KRT80: variants seen among roughly 807,000 people sequenced by gnomAD.
The protein encoded by KRT80 is keratin 80, also known as keratin, type II cytoskeletal 80.
KRT80 carries 36 observed loss-of-function variants against 51.5 expected under a neutral mutation model. That is an observed-to-expected ratio of 0.70 (90% confidence interval 0.54 to 0.92). The LOEUF (loss-of-function observed/expected upper bound fraction) is 0.92. Among genes scored for constraint, KRT80 ranks in the 40% least tolerant of loss-of-function variants. KRT80 has a pLI of 0.00. For synonymous variants in KRT80, 235 were observed against 248.3 expected (o/e 0.95, Z 0.50); for missense variants, 566 against 591.7 (o/e 0.96, Z 0.45).
At chr12:52,177,165 A>G (rs907947681) in intron 4 of KRT80, among the ~76,000 whole-genome samples, 4 of 152,226 alleles carry the variant, frequency 2.6e-5, no homozygotes, top group African/African-American at 9.6e-5. Flanking sequence ...TAAGTCCGGA[A>G]AACACTTAGC....
At chr12:52,179,057 T>G (rs559573532) in intron 4 of KRT80, among the ~76,000 whole-genome samples, 2 of 152,310 alleles carry the variant, frequency 1.3e-5, no homozygotes, top group East Asian at 3.9e-4. Flanking sequence ...CATCATGGCT[T>G]AGAGCTTGAG....
At chr12:52,179,392 G>C (rs1941285893) in intron 4 of KRT80, among the ~76,000 whole-genome samples, 1 of 152,236 alleles carries the variant, frequency 6.6e-6, no homozygotes, top group Non-Finnish European at 1.5e-5. Context: ...GGATTTGTTA[G>C]GGCCAGGAAG....
intron 1 of KRT80, among the ~76,000 whole-genome samples, chr12:52,186,506 T>G (rs1478203505): frequency 1.3e-5 from 2 of 152,186 alleles, no homozygotes; most frequent in Admixed American, 6.5e-5. Context: ...GGGTGGGTAC[T>G]ATTATAAGCT....
rs1029558037 is a variant in KRT80, at chr12:52,170,622, C to G, written c.*776G>C. The G allele has an allele frequency of 3.3e-5, 5 of 152,310 alleles. No homozygotes were observed. The highest frequency in any genetic ancestry group is 5.9e-5 in the Non-Finnish European group (4 of 68,070). 9.4% of individuals were successfully genotyped at this position (152,310 alleles called of 1,614,324 possible). On this transcript the variant is annotated 3_prime_UTR_variant, in exon 9 of 9. Transcript: ENST00000394815. The stretch of plus-strand genomic sequence containing the variant: ...CTCCTGCCCAATCTCAAGCTGCCAT[C>G]TGGCTTCCACTCCCAGGGAGTTGAT...
At position 52,171,324 on chromosome 12, in the gene KRT80, G is replaced by T; in HGVS notation, c.*74C>A. ...TCTCTTCTCAACCTAGAGGCTCCAA[G>T]CTGCTTTCTTGAGTCTAGCTTAAGT... On this transcript the variant is annotated 3_prime_UTR_variant, in exon 9 of 9. Coordinates refer to ENST00000394815, the MANE Select transcript of KRT80 (RefSeq NM_182507.3). The T allele has an allele frequency of 6.9e-7, 1 of 1,439,404 alleles. No homozygotes were observed. The highest frequency in any genetic ancestry group is 9.4e-7 in the Non-Finnish European group (1 of 1,064,796). 89.2% of individuals were successfully genotyped at this position (1,439,404 alleles called of 1,614,324 possible). A position where few individuals can be genotyped will look rare whatever the true frequency, so the allele number is the denominator to read the frequency against.
At chr12:52,177,947 T>G (rs1941259439) in intron 4 of KRT80, among the ~76,000 whole-genome samples, 1 of 152,174 alleles carries the variant, frequency 6.6e-6, no homozygotes, top group South Asian at 2.1e-4. Context: ...ATTAAAATTA[T>G]TTTTTCTGTT....
At chr12:52,178,956 G>T (rs1261819245) in intron 4 of KRT80, among the ~76,000 whole-genome samples, 1 of 152,204 alleles carries the variant, frequency 6.6e-6, no homozygotes, top group Non-Finnish European at 1.5e-5. Flanking sequence ...GGCTACTGGG[G>T]CAGGGGCCAA....
rs955824426 is a variant in KRT80 at position 52,175,584 on chromosome 12, A to G, written c.667-1820T>C. The stretch of plus-strand genomic sequence containing the variant: ...GGCCCTGTGGGCAGCCTGTCCGGGA[A>G]CTGACTCTGCCCACCAGCACCTCCT... On this transcript the variant is annotated intron_variant, in intron 4 of 8. Coordinates refer to ENST00000394815, the MANE Select transcript of KRT80 (RefSeq NM_182507.3). 5.3e-5 allele frequency among the ~76,000 whole-genome samples: 8 copies of G among 152,002 alleles called. No homozygotes were observed. The East Asian group carries it at 1.5e-3, about 29-fold the overall frequency.
At position 52,173,748 on chromosome 12, in the gene KRT80, G is replaced by C; in HGVS notation, c.683C>G (p.Ala228Gly). The C allele has an allele frequency of 6.2e-7, 1 of 1,611,218 alleles. No homozygotes were observed. The stretch of plus-strand genomic sequence containing the variant: ...CACCGACACATCCTTCACCTGTGCT[G>C]CCAGGTCCTTCAGCTCCTGACCGGG... ...TIYEQELKDL[A>G]AQVKDVSVTV... The change falls in exon 5 of 9, where the codon GCA becomes GGA. Residue 228 changes from alanine (A) to glycine (G), a missense_variant. Coordinates refer to ENST00000394815, the MANE Select transcript of KRT80 (RefSeq NM_182507.3).
intron 2 of KRT80, among the ~76,000 whole-genome samples, chr12:52,184,513 C>T (rs551117036): frequency 1.3e-5 from 2 of 152,190 alleles, no homozygotes; most frequent in African/African-American, 4.8e-5. Context: ...AGAAAAGCTG[C>T]CATTTATAAC....
chr12:52,191,744 G>A lies in KRT80; in HGVS notation c.159C>T (p.Gly53=). 1 of 1,613,528 alleles carries A rather than the reference G, an allele frequency of 6.2e-7. No homozygotes were observed. Among genetic ancestry groups the A allele is most frequent in the Non-Finnish European group, 8.5e-7 (1 of 1,179,890 alleles). Residue 53 remains glycine (G), a synonymous_variant, in exon 1 of 9, where the codon GGC becomes GGT. Coordinates refer to ENST00000394815, the MANE Select transcript of KRT80 (RefSeq NM_182507.3). ...GGTTCACAGTCACCTTGGAGATAGT[G>A]CCAGCCGACCAGCAGCCTGTGAGGC... ...SRSLTGCWSA[G]TISKVTVNPG...
chr12:52,175,793 C>T (rs1257239044), intron 4 of KRT80, among the ~76,000 whole-genome samples: 1 of 152,102 alleles, frequency 6.6e-6, no homozygotes, highest in Non-Finnish European at 1.5e-5. Context: ...GGCTGATGGC[C>T]CAACCCGTGT....
At chr12:52,171,609 A>ACACCCT in intron 8 of KRT80, 49 bp downstream of exon 8, 2 of 1,605,022 alleles carry the variant, frequency 1.2e-6, no homozygotes, top group African/African-American at 1.3e-5. Context: ...ATGATCCCCT[A>ACACCCT]CACCCTCACC....
At position 52,172,395 on chromosome 12, in the gene KRT80, G is replaced by C; in HGVS notation, c.981C>G (p.Ile327Met). The change falls in exon 7 of 9, where the codon ATC (isoleucine) becomes ATG (methionine). Residue 327 changes from isoleucine to methionine, a missense_variant. By Grantham distance (10) the Ile-to-Met change is conservative (BLOSUM62 1). Coordinates refer to ENST00000394815, the MANE Select transcript of KRT80 (RefSeq NM_182507.3). ...GCTCACCCTGCTCCTCAGCTGTCTT[G>C]ATGTTCTCCTCCAGTTTCAGGCACT... is the stretch of plus-strand genomic sequence containing the variant. Reference protein sequence around the residue: ...KSHCLKLEENIKTAEEQGELA... With the variant: ...KSHCLKLEENMKTAEEQGELA... The C allele has an allele frequency of 6.2e-7, 1 of 1,613,528 alleles. No individual in the cohort carries two copies.
At chr12:52,176,044 C>T (rs796732326) in intron 4 of KRT80, among the ~76,000 whole-genome samples, 11 of 152,276 alleles carry the variant, frequency 7.2e-5, no homozygotes, top group East Asian at 1.9e-4. Flanking sequence ...CAGGAAAGGC[C>T]GGCGCACTGT....
chr12:52,174,493 A>G (rs1189628707), intron 4 of KRT80, among the ~76,000 whole-genome samples: 1 of 152,236 alleles, frequency 6.6e-6, no homozygotes, highest in African/African-American at 2.4e-5. Context: ...GACGACCACA[A>G]TATTTTCACC....
chr12:52,180,500 C>T lies in KRT80; in HGVS notation c.666+13G>A, dbSNP rs1018794064. The T allele has an allele frequency of 7.0e-7, 1 of 1,426,978 alleles. No homozygotes were observed. Among genetic ancestry groups the T allele is most frequent in the African/African-American group, 1.4e-5 (1 of 69,538 alleles). 88.4% of individuals were successfully genotyped at this position (1,426,978 alleles called of 1,614,324 possible). On this transcript the variant is annotated intron_variant, in intron 4 of 8. Transcript: ENST00000394815. ...CTCTGGGCTTGGCAAGACACTGGCC[C>T]CATCTCACTCACCTGCTCATAGATG... is the stretch of plus-strand genomic sequence containing the variant.
rs572891407 is a variant in KRT80, at chr12:52,185,302, T to C, written c.509+77A>G. 28 of 1,382,522 alleles carry C rather than the reference T, an allele frequency of 2.0e-5. No individual in the cohort carries two copies. The East Asian group carries it at 5.8e-4, about 28-fold the overall frequency. The allele number at this position is 1,382,522 out of a possible 1,614,324, so 85.6% of individuals were successfully genotyped here. ...AGAACATCTTTCCTCTTTCTCTGGCTTAAGTGCCTCCCATCTGAGCACAGC... is the reference window on the plus strand; with the variant it reads ...AGAACATCTTTCCTCTTTCTCTGGCCTAAGTGCCTCCCATCTGAGCACAGC... On this transcript the variant is annotated intron_variant, in intron 2 of 8. Transcript: ENST00000394815.
chr12:52,171,883 G>T (rs527974019), intron 7 of KRT80, among the ~76,000 whole-genome samples, 170 bp from the exon 8 acceptor site: 1 of 152,096 alleles, frequency 6.6e-6, no homozygotes, highest in South Asian at 2.1e-4. Context: ...TCCTTCCTGG[G>T]CCTCTGTCCC....
Sources: allele counts gnomAD v4.1 joint callset (sites outside exome capture counted in the v4.1 genomes callset), GRCh38; gene constraint gnomAD v4.1.1; transcripts MANE v1.5; gene names NCBI Gene and HGNC (gene_info 2026-07-23, HGNC 2026-07-21).